EML2: variants seen among roughly 807,000 people sequenced by gnomAD.
EML2 encodes EMAP like 2.
EML2 carries 59 observed loss-of-function variants against 84.7 expected under a neutral mutation model. The observed-to-expected ratio is 0.70, with a 90% confidence interval of 0.56 to 0.86. EML2 has a LOEUF of 0.86. EML2 is among the 40% of genes least tolerant of loss of function. The pLI, the probability that EML2 is intolerant of heterozygous loss-of-function variation, is 0.00. For synonymous variants in EML2, 352 were observed against 348.9 expected, an observed-to-expected ratio of 1.01 and a Z score of -0.10; for missense variants, 818 against 855.6, an observed-to-expected ratio of 0.96 and a Z score of 0.55.
intron 2 of EML2, 33 bp from the exon 3 acceptor site, chr19:45,638,667 C>CA (rs768914074): frequency 6.2e-7 from 1 of 1,609,888 alleles, no homozygotes; most frequent in Non-Finnish European, 8.5e-7. Flanking sequence ...CAGGCACTGA[C>CA]ACCAGCCCCA....
chr19:45,637,470 ATTT>A (rs66503218), intron 3 of EML2, among the ~76,000 whole-genome samples: 5 of 101,658 alleles, frequency 4.9e-5, no homozygotes, highest in Admixed American at 2.4e-4. Flanking sequence ...ATTATTTTGG[ATTT>A]TTTTTTTTTT....
intron 8 of EML2, among the ~76,000 whole-genome samples, chr19:45,625,791 A>G (rs1972241687): frequency 6.6e-6 from 1 of 152,100 alleles, no homozygotes; most frequent in South Asian, 2.1e-4. Context: ...TTCCCACTCA[A>G]CTTGTGGCTC....
upstream of EML2, chr19:45,641,455 C>G: frequency 6.5e-6 from 4 of 617,906 alleles, no homozygotes; most frequent in Non-Finnish European, 1.1e-5. Context: ...TGACTCCGCC[C>G]TCCCAGACCT....
intron 9 of EML2, among the ~76,000 whole-genome samples, chr19:45,623,694 G>A (rs923554451): frequency 6.6e-6 from 1 of 151,964 alleles, no homozygotes; most frequent in Non-Finnish European, 1.5e-5. Flanking sequence ...GGGATTACAG[G>A]TGCTCGCCAC....
rs762259651 is a variant in EML2, at chr19:45,638,517, T to C, written c.167A>G (p.Lys56Arg). Residue 56 changes from lysine (K) to arginine (R), a missense_variant, in exon 3 of 19, where the codon AAG (lysine) becomes AGG (arginine). Transcript: ENST00000245925. ...AGCAAAAGGATACACCCACTCCAGC[T>C]TGAGCCGGCAAGAAGGCAGCTCCGA... ...TRSELPSCRL[K>R]LEWVYGYRGR... is the part of the protein sequence containing the mutation. 1.2e-6 allele frequency: 2 copies of C among 1,614,090 alleles called. No individual in the cohort carries two copies. The highest frequency in any genetic ancestry group is 1.7e-6 in the Non-Finnish European group (2 of 1,180,012).
chr19:45,631,233 A>G (rs1972986153), intron 6 of EML2, among the ~76,000 whole-genome samples: 1 of 152,066 alleles, frequency 6.6e-6, no homozygotes, highest in South Asian at 2.1e-4. Flanking sequence ...TTTGGTAACA[A>G]TATGGCTTAC....
At chr19:45,632,283 G>T (rs1036194327) in intron 6 of EML2, among the ~76,000 whole-genome samples, 3 of 151,812 alleles carry the variant, frequency 2.0e-5, no homozygotes, top group Non-Finnish European at 2.9e-5. Flanking sequence ...CCCCTCCCGG[G>T]TTCAAGCGAT....
At chr19:45,617,567 G>A (rs1193343608) in intron 13 of EML2, 63 bp downstream of exon 13, 18 of 1,445,088 alleles carry the variant, frequency 1.2e-5, no homozygotes, top group Non-Finnish European at 1.4e-5. Context: ...TAGGAAAGAG[G>A]GAAGAAGGGC....
intron 17 of EML2, 55 bp from the exon 18 acceptor site, chr19:45,613,726 A>G: frequency 6.3e-7 from 1 of 1,588,962 alleles, no homozygotes; most frequent in Non-Finnish European, 8.6e-7. Context: ...AGGGACCGCC[A>G]AGAGGAGCAG....
upstream of EML2, chr19:45,645,360 C>A (rs188604330): frequency 2.7e-4 from 406 of 1,528,412 alleles, 4 homozygotes; most frequent in African/African-American, 4.4e-3. Context: ...CAGCCACCGC[C>A]GGCCCCCCCG....
At chr19:45,641,592 C>G (rs1296489494), upstream of EML2, 2 of 1,517,428 alleles carry the variant, frequency 1.3e-6, no homozygotes, top group Non-Finnish European at 1.8e-6. Context: ...ATTTCTCGAC[C>G]ATTTCCTCCC....
chr19:45,626,957 TTTC>T (rs1477118105), intron 7 of EML2, 118 bp from the exon 8 acceptor site: 3 of 854,696 alleles, frequency 3.5e-6, no homozygotes, highest in Middle Eastern at 3.2e-4. Flanking sequence ...CACCTGAACT[TTTC>T]TTTTTTTTTT....
In EML2 at chr19:45,632,934, G is replaced by A. The variant is rs777547464; in HGVS notation, c.437C>T (p.Ser146Phe). Residue 146 changes from serine to phenylalanine, a missense_variant, in exon 6 of 19, where the codon TCC becomes TTC. By Grantham distance (155) the Ser-to-Phe change is radical. Coordinates refer to ENST00000245925, the MANE Select transcript of EML2 (RefSeq NM_012155.4). ...PPHVRIWDSV[S>F]LSTLHVLGLG... ...GCCCAGCACGTGTAAGGTGGAGAGG[G>A]AAACTGAGTCCCAGATGCGCACGTG... The A allele has an allele frequency of 3.3e-5, 53 of 1,614,108 alleles. 1 individual carries two copies. Among genetic ancestry groups the A allele is most frequent in the Middle Eastern group, 3.3e-4 (2 of 6,084 alleles).
In EML2 at chr19:45,637,662, C is replaced by CTT. The variant is rs1206550438; in HGVS notation, c.179+841_179+842dup. Reference sequence around the variant, plus strand: ...GGCTGGCTATTTTTTTTTTCTTTTTCTTTTCTTTTTTTTTTTTTTTTTTTT... The same window carrying CTT: ...GGCTGGCTATTTTTTTTTTCTTTTTCTTTTTTCTTTTTTTTTTTTTTTTTTTT... On this transcript the variant is annotated intron_variant, in intron 3 of 18. Transcript: ENST00000245925. Among the ~76,000 whole-genome samples the CTT allele has an allele frequency of 8.7e-5, 4 of 45,798 alleles. No homozygotes were observed. In the Admixed American group the frequency reaches 1.0e-3, roughly 11 times the overall value. 30.0% of individuals were successfully genotyped at this position (45,798 alleles called of 152,430 possible).
chr19:45,637,470 A>AT (rs66503218), intron 3 of EML2, among the ~76,000 whole-genome samples: 11,644 of 101,618 alleles, frequency 0.11, 818 homozygotes, highest in Non-Finnish European at 0.13. Flanking sequence ...ATTATTTTGG[A>AT]TTTTTTTTTT....
intron 16 of EML2, 126 bp from the exon 17 acceptor site, chr19:45,614,826 C>T: frequency 1.4e-6 from 1 of 726,260 alleles, no homozygotes. Context: ...CTCATTCTAC[C>T]TGTCAGGACT....
At chr19:45,629,596 T>C (rs1972780223) in intron 7 of EML2, among the ~76,000 whole-genome samples, 1 of 151,912 alleles carries the variant, frequency 6.6e-6, no homozygotes, top group Non-Finnish European at 1.5e-5. Context: ...AGTGCTGGGA[T>C]TACAGGCGTG....
Position 45,631,884 on chromosome 19 carries a change from A to ATTTTTTTTTTTT in EML2, c.510+965_510+976dup, listed in dbSNP as rs755529171. ...ACACTAGTACACCCAGCTAATTAGA[A>ATTTTTTTTTTTT]TTTTTTTTTTTTTTTTTTTTTTTTT... On this transcript the variant is annotated intron_variant, in intron 6 of 18. Coordinates refer to ENST00000245925, the MANE Select transcript of EML2 (RefSeq NM_012155.4). Among the ~76,000 whole-genome samples, 53 of 90,324 alleles carry ATTTTTTTTTTTT rather than the reference A, an allele frequency of 5.9e-4. 3 individuals are homozygous for ATTTTTTTTTTTT. Among genetic ancestry groups the ATTTTTTTTTTTT allele is most frequent in the African/African-American group, 1.9e-3 (44 of 23,586 alleles). 59.3% of individuals were successfully genotyped at this position (90,324 alleles called of 152,430 possible). A position where few individuals can be genotyped will look rare whatever the true frequency, so the allele number is the denominator to read the frequency against.
At chr19:45,644,771 G>A (rs934688183), upstream of EML2, 10 of 456,200 alleles carry the variant, frequency 2.2e-5, no homozygotes, top group Admixed American at 1.4e-4. Context: ...GAGAAGGGAT[G>A]GTGCTAATGC....
Sources: allele counts gnomAD v4.1 joint callset (sites outside exome capture counted in the v4.1 genomes callset), GRCh38; gene constraint gnomAD v4.1.1; transcripts MANE v1.5; gene names NCBI Gene and HGNC (gene_info 2026-07-23, HGNC 2026-07-21).